The following WIF1 variants were observed in gnomAD, a reference collection of about 807,000 sequenced individuals.
WIF1 encodes Wnt inhibitory factor 1.
Under a neutral mutation model 53.5 loss-of-function variants are expected in WIF1, and 35 were observed. The ratio of observed to expected loss-of-function variants is 0.65; its 90% confidence interval spans 0.50 to 0.87. The LOEUF (loss-of-function observed/expected upper bound fraction) is 0.87. Among genes scored for constraint, WIF1 ranks in the 40% least tolerant of loss-of-function variants. WIF1 has a pLI of 0.00. For missense variants in WIF1, 467 were observed against 476.8 expected (o/e 0.98, Z 0.19); for synonymous variants, 171 against 170.4 (o/e 1.00, Z -0.03).
At chr12:65,071,165 CAG>C (rs1882766277) in intron 3 of WIF1, among the ~76,000 whole-genome samples, 1 of 134,244 alleles carries the variant, frequency 7.4e-6, no homozygotes, top group South Asian at 2.3e-4. Flanking sequence ...ACTCAGAAGA[CAG>C]AGGTTGCAGT....
chr12:65,109,982 G>A (rs1883405564), intron 2 of WIF1, among the ~76,000 whole-genome samples: 1 of 152,140 alleles, frequency 6.6e-6, no homozygotes. Context: ...TTGGAGAAGA[G>A]AATCTTTATG....
intron 2 of WIF1, among the ~76,000 whole-genome samples, chr12:65,083,141 A>G (rs933875593): frequency 1.3e-5 from 2 of 152,210 alleles, no homozygotes; most frequent in African/African-American, 2.4e-5. Flanking sequence ...ACAGCATACA[A>G]GTGAATTCAG....
At chr12:65,103,315 T>C (rs1461101880) in intron 2 of WIF1, among the ~76,000 whole-genome samples, 2 of 152,200 alleles carry the variant, frequency 1.3e-5, no homozygotes, top group African/African-American at 4.8e-5. Context: ...ATAAAATAAA[T>C]GAAAGCATGT....
At chr12:65,098,320 A>G (rs890612895) in intron 2 of WIF1, among the ~76,000 whole-genome samples, 2 of 152,186 alleles carry the variant, frequency 1.3e-5, no homozygotes, top group African/African-American at 4.8e-5. Flanking sequence ...AGAGCTTTGT[A>G]AACAGGCCAG....
At chr12:65,104,605 G>A (rs1883327610) in intron 2 of WIF1, among the ~76,000 whole-genome samples, 1 of 152,144 alleles carries the variant, frequency 6.6e-6, no homozygotes, top group Non-Finnish European at 1.5e-5. Flanking sequence ...ATAGGGTTGT[G>A]AGAATTAAAT....
At chr12:65,093,187 C>G (rs1883151092) in intron 2 of WIF1, among the ~76,000 whole-genome samples, 1 of 152,006 alleles carries the variant, frequency 6.6e-6, no homozygotes. Context: ...CATCCAAAGA[C>G]CTAAAGAGAA....
chr12:65,067,228 T>C (rs1882699803), intron 5 of WIF1, among the ~76,000 whole-genome samples: 1 of 152,198 alleles, frequency 6.6e-6, no homozygotes, highest in Admixed American at 6.6e-5. Context: ...TATTTAAACA[T>C]CTTATGATTA....
At chr12:65,069,566 C>G (rs1012578621) in intron 3 of WIF1, among the ~76,000 whole-genome samples, 5 of 152,120 alleles carry the variant, frequency 3.3e-5, no homozygotes, top group African/African-American at 9.7e-5. Flanking sequence ...TCTCAGGCAT[C>G]TAGAAGAGAG....
intron 3 of WIF1, among the ~76,000 whole-genome samples, chr12:65,069,635 A>G (rs1285166357): frequency 1.3e-5 from 2 of 152,156 alleles, no homozygotes; most frequent in Non-Finnish European, 2.9e-5. Flanking sequence ...ATGTTCTTAA[A>G]GAGAAGCTTC....
intron 7 of WIF1, among the ~76,000 whole-genome samples, chr12:65,061,279 A>G (rs899576986): frequency 6.6e-6 from 1 of 152,230 alleles, no homozygotes; most frequent in African/African-American, 2.4e-5. Context: ...ACAGGAACTT[A>G]GTCTTATTCA....
At chr12:65,098,462 G>C (rs1351684269) in intron 2 of WIF1, among the ~76,000 whole-genome samples, 4 of 152,118 alleles carry the variant, frequency 2.6e-5, no homozygotes, top group Non-Finnish European at 5.9e-5. Flanking sequence ...AAGCCCCCCA[G>C]TCAGGACTGG....
intron 6 of WIF1, among the ~76,000 whole-genome samples, chr12:65,065,503 A>G (rs904937408): frequency 1.3e-5 from 2 of 152,180 alleles, no homozygotes; most frequent in Non-Finnish European, 2.9e-5. Context: ...TACTTTGTAC[A>G]TCATAAAAGA....
At chr12:65,082,547 T>C (rs950180242) in intron 2 of WIF1, among the ~76,000 whole-genome samples, 4 of 152,170 alleles carry the variant, frequency 2.6e-5, no homozygotes, top group African/African-American at 9.6e-5. Context: ...TTTCTTTTCA[T>C]GGAGAAGCAT....
At chr12:65,065,576 AAAC>A (rs960372980) in intron 6 of WIF1, among the ~76,000 whole-genome samples, 10 of 152,250 alleles carry the variant, frequency 6.6e-5, no homozygotes, top group South Asian at 2.1e-4. Flanking sequence ...TTCCTTTAAA[AAAC>A]AACAACAACA....
At chr12:65,119,123 A>G (rs1883557096) in intron 2 of WIF1, among the ~76,000 whole-genome samples, 1 of 152,234 alleles carries the variant, frequency 6.6e-6, no homozygotes, top group Non-Finnish European at 1.5e-5. Flanking sequence ...AAAGGAGAAA[A>G]TGAAAGGCCA....
chr12:65,113,673 G>A (rs1369804793), intron 2 of WIF1, among the ~76,000 whole-genome samples: 1 of 152,092 alleles, frequency 6.6e-6, no homozygotes, highest in Non-Finnish European at 1.5e-5. Context: ...ACAGATGGCT[G>A]GCACATGCCT....
chr12:65,111,314 T>C lies in WIF1; in HGVS notation c.288+9103A>G, dbSNP rs974017029. On this transcript the variant is annotated intron_variant, in intron 2 of 9. Coordinates refer to ENST00000286574, the MANE Select transcript of WIF1 (RefSeq NM_007191.5). ...TCTAAACATGTATCTCCAACCCCAT[T>C]TTCCGCTCCTTTCTACTTTTTCATT... 2.0e-5 allele frequency among the ~76,000 whole-genome samples: 3 copies of C among 152,056 alleles called. No homozygotes were observed. The South Asian group carries it at 6.2e-4, about 32-fold the overall frequency.
At chr12:65,095,884 C>T (rs1883196882) in intron 2 of WIF1, 1 of 152,164 alleles carries the variant, frequency 6.6e-6, no homozygotes, top group African/African-American at 2.4e-5. Context: ...GGATTACATA[C>T]TTAAATGTAA....
intron 2 of WIF1, among the ~76,000 whole-genome samples, chr12:65,093,858 G>A (rs570860783): frequency 1.0e-3 from 159 of 152,122 alleles, no homozygotes; most frequent in Non-Finnish European, 2.1e-3. Context: ...TTGTTCTTGA[G>A]GCTCAGAGGA....
Sources: gnomAD v4.1 joint callset for allele counts (sites outside exome capture counted in the v4.1 genomes callset) on GRCh38, gnomAD v4.1.1 for gene constraint, MANE v1.5 for transcripts, NCBI Gene and HGNC (gene_info 2026-07-23, HGNC 2026-07-21) for gene names.